Variants in ABL1 observed in about 807,000 individuals in gnomAD.
ABL1 encodes tyrosine-protein kinase ABL1.
A neutral mutation model predicts 94.7 loss-of-function variants in ABL1; 11 were observed. That is an observed-to-expected ratio of 0.12 (90% CI 0.07 to 0.19). ABL1 has a LOEUF of 0.19. ABL1 is among the 10% of genes least tolerant of loss of function. The pLI, the probability that ABL1 is intolerant of heterozygous loss-of-function variation, is 1.00. For synonymous variants in ABL1, 656 were observed against 622.4 expected, an observed-to-expected ratio of 1.05 and a Z score of -0.80; for missense variants, 1,082 against 1,489.4, an observed-to-expected ratio of 0.73 and a Z score of 4.50.
At chr9:130,732,802 T>A (rs1469885366) in intron 1 of ABL1, among the ~76,000 whole-genome samples, 1 of 151,736 alleles carries the variant, frequency 6.6e-6, no homozygotes, top group East Asian at 1.9e-4. Context: ...ACTGTGTCCG[T>A]CTGTTCTTCA....
chr9:130,762,426 A>G (rs182561200), intron 1 of ABL1, among the ~76,000 whole-genome samples: 112 of 152,286 alleles, frequency 7.4e-4, no homozygotes, highest in Non-Finnish European at 1.4e-3. Context: ...ACTTGTTTAT[A>G]GTGACTTTCA....
intron 6 of ABL1, among the ~76,000 whole-genome samples, chr9:130,873,917 T>C (rs1831297009): frequency 6.6e-6 from 1 of 152,244 alleles, no homozygotes; most frequent in South Asian, 2.1e-4. Flanking sequence ...AGATTTTCTA[T>C]GCTCCATGAG....
At chr9:130,723,611 G>T (rs574858814) in intron 1 of ABL1, among the ~76,000 whole-genome samples, 24 of 151,876 alleles carry the variant, frequency 1.6e-4, no homozygotes, top group Non-Finnish European at 2.8e-4. Context: ...CTCTCTTCCA[G>T]TCCCCCCTCC....
intron 4 of ABL1, among the ~76,000 whole-genome samples, chr9:130,868,520 C>CA (rs1831195287): frequency 8.9e-6 from 1 of 112,114 alleles, no homozygotes. Flanking sequence ...TTTTCTTTTT[C>CA]TTTTTTTTTT....
intron 1 of ABL1, among the ~76,000 whole-genome samples, chr9:130,771,675 T>A (rs1391863874): frequency 6.6e-6 from 1 of 152,062 alleles, no homozygotes; most frequent in Non-Finnish European, 1.5e-5. Flanking sequence ...CATACTGGGA[T>A]AGCAGCAGTA....
At chr9:130,760,985 T>C (rs1219870760) in intron 1 of ABL1, among the ~76,000 whole-genome samples, 1 of 124,870 alleles carries the variant, frequency 8.0e-6, no homozygotes, top group East Asian at 2.6e-4. Flanking sequence ...TCTCGCTCTT[T>C]CGCCCAGGCT....
intron 1 of ABL1, among the ~76,000 whole-genome samples, chr9:130,782,081 G>A (rs1829763812): frequency 6.7e-6 from 1 of 148,700 alleles, no homozygotes; most frequent in Non-Finnish European, 1.5e-5. Context: ...TTTTTTTTGA[G>A]ACAGTCTTAC....
intron 1 of ABL1, among the ~76,000 whole-genome samples, chr9:130,718,744 C>T (rs988590414): frequency 5.3e-5 from 8 of 152,098 alleles, no homozygotes; most frequent in African/African-American, 1.7e-4. Flanking sequence ...ATTAGCCAGA[C>T]GTGTTATCAC....
chr9:130,860,544 G>A (rs1206121823), intron 3 of ABL1, among the ~76,000 whole-genome samples: 8 of 152,178 alleles, frequency 5.3e-5, no homozygotes, highest in African/African-American at 9.7e-5. Context: ...GTTGGGGAAC[G>A]CTCCTTTGAG....
In ABL1 at chr9:130,884,503, G is replaced by A. The variant is rs761082559; in HGVS notation, c.2213G>A (p.Arg738Gln). 8.1e-6 allele frequency: 13 copies of A among 1,613,032 alleles called. No homozygotes were observed. Among genetic ancestry groups the A allele is most frequent in the Admixed American group, 3.3e-5 (2 of 60,008 alleles). The change falls in exon 11 of 11, where the codon CGG becomes CAG. Residue 738 changes from arginine to glutamine, a missense_variant. Transcript: ENST00000318560. This position sits in a 1 kb window ranked among gnomAD's most constrained non-coding sequence, Gnocchi z 5.6. ...DTEWRSVTLP[R>Q]DLQSTGRQFD... ...GAGTGGAGGTCAGTCACGCTGCCTC[G>A]GGACTTGCAGTCCACGGGAAGACAG... is the stretch of plus-strand genomic sequence containing the variant.
At chr9:130,729,508 A>G (rs1006787275) in intron 1 of ABL1, among the ~76,000 whole-genome samples, 3 of 152,124 alleles carry the variant, frequency 2.0e-5, no homozygotes, top group African/African-American at 7.2e-5. Context: ...ATCTCCCTGC[A>G]CTGTGTTTGG....
At chr9:130,850,498 A>G (rs571801358) in intron 1 of ABL1, among the ~76,000 whole-genome samples, 3 of 152,264 alleles carry the variant, frequency 2.0e-5, no homozygotes, top group African/African-American at 7.2e-5. Flanking sequence ...TCACATGTCC[A>G]CATTTCGTTT....
chr9:130,715,219 G>A (rs1241698224), intron 1 of ABL1, among the ~76,000 whole-genome samples: 1 of 152,194 alleles, frequency 6.6e-6, no homozygotes, highest in Admixed American at 6.5e-5. Flanking sequence ...AATTCTGTGC[G>A]AAGTTAAAGC....
At chr9:130,762,707 C>T (rs1240613234) in intron 1 of ABL1, among the ~76,000 whole-genome samples, 1 of 151,918 alleles carries the variant, frequency 6.6e-6, no homozygotes, top group Non-Finnish European at 1.5e-5. Context: ...GTCAGGAGAT[C>T]GAGACCATCC....
intron 1 of ABL1, among the ~76,000 whole-genome samples, chr9:130,796,205 T>G (rs1407424436): frequency 1.3e-5 from 2 of 150,374 alleles, no homozygotes; most frequent in African/African-American, 2.5e-5. Context: ...AAATAGGGAT[T>G]TATAAAACAT....
In ABL1 at chr9:130,778,271, A is replaced by G. The variant is rs551144577; in HGVS notation, c.136+63816A>G. 1.7e-4 allele frequency among the ~76,000 whole-genome samples: 24 copies of G among 144,606 alleles called. No individual in the cohort carries two copies. The East Asian group carries it at 2.5e-3, about 15-fold the overall frequency. 94.9% of individuals were successfully genotyped at this position (144,606 alleles called of 152,430 possible). A position where few individuals can be genotyped will look rare whatever the true frequency, so the allele number is the denominator to read the frequency against. On this transcript the variant is annotated intron_variant, in intron 1 of 10. Coordinates refer to the ABL1 transcript ENST00000372348. ...TTCTAGACTGTGAGCAGGGGAATCGAGGAACCTCTCAGGGCTTTGTGTTGG... is the reference window on the plus strand; with the variant it reads ...TTCTAGACTGTGAGCAGGGGAATCGGGGAACCTCTCAGGGCTTTGTGTTGG...
At chr9:130,853,266 C>T (rs1830907523) in intron 1 of ABL1, among the ~76,000 whole-genome samples, 1 of 147,052 alleles carries the variant, frequency 6.8e-6, no homozygotes, top group Non-Finnish European at 1.5e-5. Flanking sequence ...ACCTCCGCCT[C>T]CCAGGTTCAA....
chr9:130,747,656 G>T lies in ABL1; in HGVS notation c.136+33201G>T, dbSNP rs577412790. On this transcript the variant is annotated intron_variant, in intron 1 of 10. Coordinates refer to the ABL1 transcript ENST00000372348. ...TCGAACTCCTGACCTCAGGTAATCC[G>T]CCCACCTCAGCCTCCCAAAGTGCTG... Among the ~76,000 whole-genome samples the T allele has an allele frequency of 3.3e-5, 5 of 152,082 alleles. No individual in the cohort carries two copies. The South Asian group carries it at 6.2e-4, about 19-fold the overall frequency.
chr9:130,759,996 G>A (rs1054323789), intron 1 of ABL1, among the ~76,000 whole-genome samples: 5 of 141,842 alleles, frequency 3.5e-5, no homozygotes, highest in South Asian at 2.2e-4. Flanking sequence ...TTTTGGAGAC[G>A]GGGTCCCACT....
Sources: allele counts gnomAD v4.1 joint callset (sites outside exome capture counted in the v4.1 genomes callset), GRCh38; gene constraint gnomAD v4.1.1; non-coding constraint Gnocchi (gnomAD v3.1); transcripts MANE v1.5; gene names NCBI Gene and HGNC (gene_info 2026-07-23, HGNC 2026-07-21).